Variants in PTPRN2 observed in about 807,000 individuals in gnomAD.
PTPRN2 encodes the protein protein tyrosine phosphatase receptor type N2.
PTPRN2 carries 74 observed loss-of-function variants against 118.8 expected under a neutral mutation model. That is an observed-to-expected ratio of 0.62 (90% CI 0.52 to 0.76). The LOEUF is 0.76. Among genes scored for constraint, PTPRN2 ranks in the 30% least tolerant of loss-of-function variants. The pLI is 0.00. For missense variants in PTPRN2, 1,481 were observed against 1,394.4 expected (o/e 1.06, Z -0.99); for synonymous variants, 641 against 608.0 (o/e 1.05, Z -0.80).
rs1806158962 is a variant in PTPRN2 at position 157,813,066 on chromosome 7, G to A, written c.1788+85607C>T. Among the ~76,000 whole-genome samples, 1 of 152,162 alleles carries A rather than the reference G, an allele frequency of 6.6e-6. No individual in the cohort carries two copies. On this transcript the variant is annotated intron_variant, in intron 12 of 22. Coordinates refer to ENST00000389418, the MANE Select transcript of PTPRN2 (RefSeq NM_002847.5). This position sits in a 1 kb window ranked among gnomAD's most constrained non-coding sequence, Gnocchi z 4.7. ...ACAAACAGGAGGACGGTGCTCAAATGACTGTGACACGTGCCGTGTATCTGC... is the reference window on the plus strand; with the variant it reads ...ACAAACAGGAGGACGGTGCTCAAATAACTGTGACACGTGCCGTGTATCTGC...
intron 11 of PTPRN2, among the ~76,000 whole-genome samples, chr7:157,916,293 G>C (rs184059603): frequency 6.6e-6 from 1 of 152,186 alleles, no homozygotes; most frequent in Non-Finnish European, 1.5e-5. Context: ...ATGGTCCCAG[G>C]CTCCTGTGCA....
chr7:158,271,253 T>C (rs933361206), intron 3 of PTPRN2, among the ~76,000 whole-genome samples: 2 of 152,202 alleles, frequency 1.3e-5, no homozygotes, highest in Non-Finnish European at 2.9e-5. Context: ...AAACACCAAA[T>C]GACACCCAGT....
chr7:158,137,860 G>A (rs1369599849), intron 7 of PTPRN2, among the ~76,000 whole-genome samples: 1 of 152,202 alleles, frequency 6.6e-6, no homozygotes, highest in Non-Finnish European at 1.5e-5. Flanking sequence ...CCGGATGCCT[G>A]CCGGGGTAGT....
At chr7:157,639,762 A>T (rs2150690625) in intron 14 of PTPRN2, among the ~76,000 whole-genome samples, 1 of 152,360 alleles carries the variant, frequency 6.6e-6, no homozygotes, top group East Asian at 1.9e-4. Flanking sequence ...AGCCCCCCAC[A>T]TAACACAGGA....
At chr7:158,258,695 A>G (rs934960935) in intron 3 of PTPRN2, among the ~76,000 whole-genome samples, 6 of 152,104 alleles carry the variant, frequency 3.9e-5, no homozygotes, top group African/African-American at 1.2e-4. Flanking sequence ...TTGCTTTTTC[A>G]GCAACCACCA....
Position 157,550,602 on chromosome 7 carries a change from G to A in PTPRN2, c.2903-1583C>T, listed in dbSNP as rs963790265. Among the ~76,000 whole-genome samples the A allele has an allele frequency of 6.6e-6, 1 of 152,184 alleles. No individual in the cohort carries two copies. The highest frequency in any genetic ancestry group is 6.5e-5 in the Admixed American group (1 of 15,280). ...GCATTTCCTGGCAGGAACAGGGCTC[G>A]TGGTGATGGGAGCCACTGTCGGGGC... On this transcript the variant is annotated intron_variant, in intron 21 of 22. Transcript: ENST00000389418. This position sits in a 1 kb window ranked among gnomAD's most constrained non-coding sequence, Gnocchi z 5.2.
intron 3 of PTPRN2, among the ~76,000 whole-genome samples, chr7:158,233,669 C>T (rs1266705170): frequency 6.6e-6 from 1 of 151,688 alleles, no homozygotes; most frequent in African/African-American, 2.4e-5. Flanking sequence ...CCAAAGCAAT[C>T]CTGAGCAAAA....
chr7:158,194,392 T>C (rs1826044588), intron 4 of PTPRN2, among the ~76,000 whole-genome samples: 1 of 152,242 alleles, frequency 6.6e-6, no homozygotes, highest in Non-Finnish European at 1.5e-5. Context: ...GGGCCCTTGC[T>C]GTCCGGCTCT....
chr7:157,973,143 A>T (rs1802471999), intron 11 of PTPRN2, among the ~76,000 whole-genome samples: 2 of 152,144 alleles, frequency 1.3e-5, no homozygotes, highest in Admixed American at 1.3e-4. Context: ...CCTGCAGGAG[A>T]GGCCCCATGA....
intron 11 of PTPRN2, among the ~76,000 whole-genome samples, chr7:157,913,532 T>G (rs183967892): frequency 6.6e-6 from 1 of 152,350 alleles, no homozygotes; most frequent in Admixed American, 6.5e-5. Context: ...GATGTTTCTG[T>G]AGGGTCTTTA....
intron 12 of PTPRN2, among the ~76,000 whole-genome samples, chr7:157,713,170 C>G (rs532669909): frequency 6.6e-6 from 1 of 152,004 alleles, no homozygotes; most frequent in Non-Finnish European, 1.5e-5. Flanking sequence ...GGGCAGGGCT[C>G]TTCTGGTGCC....
Position 158,489,733 on chromosome 7 carries a change from A to AC in PTPRN2, c.163+1dup. 6.3e-7 allele frequency: 1 copy of AC among 1,579,238 alleles called. No individual in the cohort carries two copies. The highest frequency in any genetic ancestry group is 8.6e-7 in the Non-Finnish European group (1 of 1,164,016). On this transcript the variant is annotated splice_donor_variant, in intron 2 of 22. Transcript: ENST00000389418. LOFTEE classifies it high-confidence loss of function. The stretch of plus-strand genomic sequence containing the variant: ...GCGCAGCAGCCAGGACCCCACACTC[A>AC]CCGTTCACACAGGCCTCGGACGCTC...
At chr7:157,832,670 G>A (rs1194208924) in intron 12 of PTPRN2, among the ~76,000 whole-genome samples, 1 of 152,204 alleles carries the variant, frequency 6.6e-6, no homozygotes, top group Non-Finnish European at 1.5e-5. Context: ...AGGAAGGAAA[G>A]GCACAATCTG....
At chr7:157,576,063 C>T (rs981000033) in intron 19 of PTPRN2, among the ~76,000 whole-genome samples, 2 of 152,138 alleles carry the variant, frequency 1.3e-5, no homozygotes, top group Non-Finnish European at 2.9e-5. Context: ...AGTAAATACA[C>T]TCTCAAACCA....
chr7:158,351,717 C>T (rs939830155), intron 2 of PTPRN2, among the ~76,000 whole-genome samples: 2 of 152,096 alleles, frequency 1.3e-5, no homozygotes, highest in African/African-American at 2.4e-5. Context: ...CAGCCAGTCA[C>T]GGCCCCACGG....
chr7:158,145,450 G>A (rs1236266901), intron 6 of PTPRN2, among the ~76,000 whole-genome samples: 3 of 152,228 alleles, frequency 2.0e-5, no homozygotes, highest in African/African-American at 4.8e-5. Context: ...CAGCCTACTT[G>A]TATCGACAGA....
intron 22 of PTPRN2, among the ~76,000 whole-genome samples, chr7:157,544,410 G>T (rs1346805226): frequency 6.6e-6 from 1 of 151,646 alleles, no homozygotes; most frequent in Admixed American, 6.6e-5. Context: ...GGAGGAGGCT[G>T]AGGTCAGGCT....
chr7:157,797,871 C>T (rs1327392908), intron 12 of PTPRN2, among the ~76,000 whole-genome samples: 1 of 152,234 alleles, frequency 6.6e-6, no homozygotes, highest in African/African-American at 2.4e-5. Context: ...CCCCTCTGAA[C>T]CTCCAGAGGC....
chr7:157,612,966 G>A (rs1802468681), intron 15 of PTPRN2, among the ~76,000 whole-genome samples: 1 of 152,152 alleles, frequency 6.6e-6, no homozygotes, highest in African/African-American at 2.4e-5. Flanking sequence ...GCTCCGTGAA[G>A]ACACAGCAGC....
Sources: gnomAD v4.1 joint callset for allele counts (sites outside exome capture counted in the v4.1 genomes callset) on GRCh38, gnomAD v4.1.1 for gene constraint, Gnocchi (gnomAD v3.1) non-coding constraint, MANE v1.5 for transcripts, NCBI Gene and HGNC (gene_info 2026-07-23, HGNC 2026-07-21) for gene names.